Variants in GLG1 observed in about 807,000 individuals in gnomAD.
GLG1 encodes golgi glycoprotein 1, also known as Golgi apparatus protein 1.
A neutral mutation model predicts 160.5 loss-of-function variants in GLG1; 38 were observed. That is an observed-to-expected ratio of 0.24 (90% confidence interval 0.18 to 0.31). The LOEUF (loss-of-function observed/expected upper bound fraction) is 0.31. Ranked by LOEUF, GLG1 falls within the 10% of genes least tolerant of loss-of-function variation. GLG1 has a pLI of 1.00. For synonymous variants in GLG1, 644 were observed against 543.4 expected, an observed-to-expected ratio of 1.19 and a Z score of -2.57; for missense variants, 1,373 against 1,505.2, an observed-to-expected ratio of 0.91 and a Z score of 1.45.
chr16:74,603,107 A>T (rs1185787191), intron 1 of GLG1, among the ~76,000 whole-genome samples: 1 of 151,318 alleles, frequency 6.6e-6, no homozygotes, highest in Non-Finnish European at 1.5e-5. Flanking sequence ...AACAACAACA[A>T]CAACAGCAGC....
At position 74,514,086 on chromosome 16, in the gene GLG1, A is replaced by G. The variant is rs1024275457; in HGVS notation, c.472-5161T>C. Among the ~76,000 whole-genome samples the G allele has an allele frequency of 3.8e-4, 58 of 152,212 alleles. 1 individual carries two copies. The highest frequency in any genetic ancestry group is 1.3e-3 in the African/African-American group (55 of 41,454). On this transcript the variant is annotated intron_variant, in intron 2 of 25. Transcript: ENST00000422840. ...AAATAAAGCCAGAAGACAAGATTAG[A>G]TAAAAAAAGAGTGAAAAGAAACGAA...
intron 2 of GLG1, among the ~76,000 whole-genome samples, chr16:74,522,380 C>A (rs1313743259): frequency 6.6e-6 from 1 of 152,216 alleles, no homozygotes; most frequent in Admixed American, 6.5e-5. Flanking sequence ...CACCGTTGTT[C>A]CACATTCACA....
chr16:74,473,437 C>CTT (rs11421713), intron 13 of GLG1, among the ~76,000 whole-genome samples: 16,997 of 110,962 alleles, frequency 0.15, 2,163 homozygotes, highest in Non-Finnish European at 0.18. Flanking sequence ...TGGTCTTGAC[C>CTT]TTTTTTTTTT....
chr16:74,548,271 CAACGGCATAA>C (rs1474317786), intron 1 of GLG1, among the ~76,000 whole-genome samples: 1 of 152,218 alleles, frequency 6.6e-6, no homozygotes, highest in East Asian at 1.9e-4. Context: ...ACAAAGCAGG[CAACGGCATAA>C]ATGATTTTGC....
chr16:74,496,859 T>G (rs2016208421), intron 4 of GLG1, among the ~76,000 whole-genome samples: 2 of 152,182 alleles, frequency 1.3e-5, no homozygotes, highest in Admixed American at 1.3e-4. Context: ...AATCTTCAGT[T>G]AGAATATAAT....
intron 1 of GLG1, among the ~76,000 whole-genome samples, chr16:74,550,404 T>C (rs918485249): frequency 1.3e-5 from 2 of 151,906 alleles, no homozygotes; most frequent in African/African-American, 4.8e-5. Context: ...GATAAGCATA[T>C]GAGAGCAGAG....
At chr16:74,479,265 T>C (rs547089190) in intron 11 of GLG1, among the ~76,000 whole-genome samples, 65 of 149,424 alleles carry the variant, frequency 4.4e-4, no homozygotes, top group African/African-American at 1.5e-3. Context: ...AAGGTTAATT[T>C]TATGTTATGT....
At chr16:74,472,501 G>T in intron 13 of GLG1, 90 bp from the exon 14 acceptor site, 4 of 1,342,570 alleles carry the variant, frequency 3.0e-6, no homozygotes, top group Non-Finnish European at 4.2e-6. Context: ...AGTAATATCT[G>T]ATGGGCAAAT....
intron 1 of GLG1, among the ~76,000 whole-genome samples, chr16:74,563,622 G>A (rs567132498): frequency 8.6e-5 from 13 of 151,854 alleles, no homozygotes; most frequent in African/African-American, 3.1e-4. Context: ...AGCTATTTGC[G>A]AGGCTGAGGT....
intron 9 of GLG1, among the ~76,000 whole-genome samples, chr16:74,485,355 TTTTCTA>T (rs1205300249): frequency 9.2e-5 from 14 of 152,244 alleles, no homozygotes; most frequent in Non-Finnish European, 1.6e-4. Context: ...CCACATTTTG[TTTTCTA>T]TTTCTATTTT....
Position 74,579,026 on chromosome 16 carries a change from T to A in GLG1, c.438+27631A>T, listed in dbSNP as rs61629499. On this transcript the variant is annotated intron_variant, in intron 1 of 25. Transcript: ENST00000422840. The stretch of plus-strand genomic sequence containing the variant: ...GGAATCCTGAACAACAAGGTTCAGG[T>A]TTGCCCTAGGAATGCTGAGTTGCAA... Among the ~76,000 whole-genome samples, 1,374 of 152,230 alleles carry A rather than the reference T, an allele frequency of 9.0e-3. 21 individuals are homozygous for A. The highest frequency in any genetic ancestry group is 0.031 in the African/African-American group (1,301 of 41,548).
rs754313878 is a variant in GLG1, at chr16:74,452,339, C to T, written c.*828G>A. On this transcript the variant is annotated 3_prime_UTR_variant, in exon 26 of 26. Transcript: ENST00000422840. The stretch of plus-strand genomic sequence containing the variant: ...GAGGAGGAAGGTTCCTGGGATCCTG[C>T]TGCCCCGGGACTCAGGATCCAGCCT... 17 of 1,383,560 alleles carry T rather than the reference C, an allele frequency of 1.2e-5. No homozygotes were observed. The East Asian group carries it at 3.3e-4, about 27-fold the overall frequency. The allele number at this position is 1,383,560 out of a possible 1,614,324, so 85.7% of individuals were successfully genotyped here. A position where few individuals can be genotyped will look rare whatever the true frequency, so the allele number is the denominator to read the frequency against.
chr16:74,579,190 C>G (rs543448573), intron 1 of GLG1, among the ~76,000 whole-genome samples: 1 of 151,834 alleles, frequency 6.6e-6, no homozygotes, highest in Non-Finnish European at 1.5e-5. Context: ...CTTAAAAATA[C>G]AAACAACAAC....
chr16:74,477,766 G>A (rs1158420912), intron 11 of GLG1, among the ~76,000 whole-genome samples: 1 of 151,986 alleles, frequency 6.6e-6, no homozygotes, highest in Non-Finnish European at 1.5e-5. Context: ...CTGAGGTCGG[G>A]AGTTTGAGAC....
At chr16:74,458,084 A>G (rs901444838) in intron 23 of GLG1, 90 bp from the exon 24 acceptor site, 1 of 1,326,332 alleles carries the variant, frequency 7.5e-7, no homozygotes, top group African/African-American at 1.4e-5. Flanking sequence ...CTAATAAAAA[A>G]GGGGGGAAGT....
chr16:74,524,448 T>C (rs150560892), intron 2 of GLG1, among the ~76,000 whole-genome samples: 64 of 152,256 alleles, frequency 4.2e-4, no homozygotes, highest in African/African-American at 1.5e-3. Flanking sequence ...CTAGGGTGGG[T>C]GCTAAAATTG....
At chr16:74,586,120 GAA>G (rs1958047358) in intron 1 of GLG1, among the ~76,000 whole-genome samples, 2 of 150,960 alleles carry the variant, frequency 1.3e-5, no homozygotes, top group Admixed American at 1.3e-4. Context: ...TATGGTAAGT[GAA>G]TTTCATCTCA....
At chr16:74,553,663 C>T (rs1311234929) in intron 1 of GLG1, among the ~76,000 whole-genome samples, 4 of 151,882 alleles carry the variant, frequency 2.6e-5, no homozygotes, top group East Asian at 1.9e-4. Flanking sequence ...TTAGTAGAGA[C>T]GGGGTTTCAC....
chr16:74,569,092 G>A (rs1233648648), intron 1 of GLG1, among the ~76,000 whole-genome samples: 1 of 152,184 alleles, frequency 6.6e-6, no homozygotes, highest in Admixed American at 6.5e-5. Flanking sequence ...GAAATCTAAT[G>A]AGATAGTCCT....
Sources: gnomAD v4.1 joint callset for allele counts (sites outside exome capture counted in the v4.1 genomes callset) on GRCh38, gnomAD v4.1.1 for gene constraint, MANE v1.5 for transcripts, NCBI Gene and HGNC (gene_info 2026-07-23, HGNC 2026-07-21) for gene names.